The following SLIT2 variants were observed in gnomAD, a reference collection of about 807,000 sequenced individuals.
The protein encoded by SLIT2 is slit homolog 2 protein.
A neutral mutation model predicts 185.7 loss-of-function variants in SLIT2; 41 were observed. The observed-to-expected ratio is 0.22, with a 90% CI of 0.17 to 0.29. The LOEUF is 0.29. SLIT2 is among the 10% of genes least tolerant of loss of function. SLIT2 has a pLI of 1.00. For synonymous variants in SLIT2, 693 were observed against 680.2 expected (o/e 1.02, Z -0.29); for missense variants, 1,571 against 1,909.0 (o/e 0.82, Z 3.30).
intron 30 of SLIT2, among the ~76,000 whole-genome samples, chr4:20,590,340 G>C (rs984023282): frequency 1.3e-5 from 2 of 152,156 alleles, no homozygotes; most frequent in African/African-American, 2.4e-5. Flanking sequence ...AGGCCCAACC[G>C]GTGACATTTG....
chr4:20,256,316 T>TTTGG (rs1553864836), intron 1 of SLIT2, among the ~76,000 whole-genome samples: 6 of 149,430 alleles, frequency 4.0e-5, no homozygotes, highest in Non-Finnish European at 7.4e-5. Context: ...ACTTTTTTTT[T>TTTGG]GGGGGGGGTG....
intron 18 of SLIT2, among the ~76,000 whole-genome samples, chr4:20,538,013 G>A (rs186341851): frequency 6.6e-6 from 1 of 152,168 alleles, no homozygotes. Flanking sequence ...AGGCTGGAGT[G>A]CTGTGATGCT....
intron 4 of SLIT2, among the ~76,000 whole-genome samples, chr4:20,364,793 A>G (rs995587862): frequency 2.6e-5 from 4 of 152,150 alleles, no homozygotes; most frequent in African/African-American, 9.7e-5. Context: ...AATTAAAGGC[A>G]CTAGAAGGTC....
intron 5 of SLIT2, among the ~76,000 whole-genome samples, chr4:20,472,368 ATC>A (rs1473137575): frequency 3.4e-5 from 1 of 29,434 alleles, no homozygotes; most frequent in Non-Finnish European, 5.5e-5. Flanking sequence ...CTATATAGAT[ATC>A]TATATCTATA....
intron 29 of SLIT2, among the ~76,000 whole-genome samples, chr4:20,582,292 C>G (rs1464681779): frequency 1.3e-5 from 2 of 152,172 alleles, no homozygotes; most frequent in African/African-American, 2.4e-5. Context: ...GCCTCTGAGT[C>G]TCACCTCTTC....
rs921399409 is a variant in SLIT2 at position 20,547,415 on chromosome 4, A to G, written c.2346-1073A>G. ...GGTTTTACTAGTGACTCATGATACA[A>G]CTCTAGGCAAGTTACTTCTGCTAAT... On this transcript the variant is annotated intron_variant, in intron 22 of 36. Coordinates refer to ENST00000504154, the MANE Select transcript of SLIT2 (RefSeq NM_004787.4). Among the ~76,000 whole-genome samples, 9 of 151,952 alleles carry G rather than the reference A, an allele frequency of 5.9e-5. No homozygotes were observed. The Admixed American group carries it at 5.9e-4, about 10-fold the overall frequency.
intron 4 of SLIT2, among the ~76,000 whole-genome samples, chr4:20,464,458 A>G (rs1714119661): frequency 6.6e-6 from 1 of 152,100 alleles, no homozygotes; most frequent in Non-Finnish European, 1.5e-5. Context: ...CTTCCTCTGA[A>G]ACACACTGTT....
At chr4:20,442,961 C>T (rs886301365) in intron 4 of SLIT2, among the ~76,000 whole-genome samples, 1 of 151,954 alleles carries the variant, frequency 6.6e-6, no homozygotes, top group African/African-American at 2.4e-5. Context: ...TAGAAAAGGG[C>T]TTTTTTCCCC....
intron 8 of SLIT2, 22 bp downstream of exon 8, chr4:20,489,004 T>G: frequency 6.3e-7 from 1 of 1,588,190 alleles, no homozygotes; most frequent in Non-Finnish European, 8.6e-7. Context: ...GGAAGAGTGA[T>G]GTTATTGTGT....
chr4:20,528,202 G>A lies in SLIT2; in HGVS notation c.1463-747G>A. ...TCATGTAAACAGTATTACGTTTCCA[G>A]AACGTCTGTAGCTTTTCTCCTCCTT... On this transcript the variant is annotated intron_variant, in intron 15 of 36. Coordinates refer to ENST00000504154, the MANE Select transcript of SLIT2 (RefSeq NM_004787.4). The surrounding 1 kb of genome is among the most constrained non-coding windows in gnomAD (Gnocchi z 4.2). 2.8e-5 allele frequency: 15 copies of A among 527,588 alleles called. No homozygotes were observed. The highest frequency in any genetic ancestry group is 2.1e-4 in the South Asian group (15 of 70,578). 32.7% of individuals were successfully genotyped at this position (527,588 alleles called of 1,614,324 possible). A position where few individuals can be genotyped will look rare whatever the true frequency, so the allele number is the denominator to read the frequency against.
At chr4:20,472,327 TATATATAGATCTATATATAG>T (rs1560453194) in intron 5 of SLIT2, among the ~76,000 whole-genome samples, 5 of 80,690 alleles carry the variant, frequency 6.2e-5, no homozygotes, top group African/African-American at 2.1e-4. Context: ...TATATATATC[TATATATAGATCTATATATAG>T]ATATAGATAT....
rs530757798 is a variant in SLIT2 at position 20,515,069 on chromosome 4, A to G, written c.1058+3932A>G. On this transcript the variant is annotated intron_variant, in intron 11 of 36. Coordinates refer to ENST00000504154, the MANE Select transcript of SLIT2 (RefSeq NM_004787.4). Reference sequence around the variant, plus strand: ...AGTAACAAAACGTTTTAAGTGTAGTATCATTGTAGCATACTGCTAAGCATA... The same window carrying G: ...AGTAACAAAACGTTTTAAGTGTAGTGTCATTGTAGCATACTGCTAAGCATA... 3.9e-4 allele frequency among the ~76,000 whole-genome samples: 59 copies of G among 152,284 alleles called. 1 individual carries two copies. The South Asian group carries it at 1.0e-2, about 26-fold the overall frequency.
intron 4 of SLIT2, among the ~76,000 whole-genome samples, chr4:20,449,155 G>C (rs1262538523): frequency 6.6e-6 from 1 of 151,994 alleles, no homozygotes; most frequent in Non-Finnish European, 1.5e-5. Context: ...TTCAATTAAA[G>C]TGATTAATTT....
chr4:20,433,436 G>C (rs945897113), intron 4 of SLIT2, among the ~76,000 whole-genome samples: 1 of 152,136 alleles, frequency 6.6e-6, no homozygotes, highest in Non-Finnish European at 1.5e-5. Context: ...TCAGATTCCC[G>C]GAGTGTGGTG....
chr4:20,480,395 A>G (rs778071223), intron 5 of SLIT2, among the ~76,000 whole-genome samples: 5 of 152,200 alleles, frequency 3.3e-5, no homozygotes, highest in Non-Finnish European at 7.3e-5. Context: ...TGTTTCAGCA[A>G]GATGACGCTG....
intron 4 of SLIT2, among the ~76,000 whole-genome samples, chr4:20,407,350 A>G (rs1014000444): frequency 4.6e-5 from 7 of 152,216 alleles, no homozygotes; most frequent in Non-Finnish European, 8.8e-5. Flanking sequence ...TAGTAACTAT[A>G]CTAGAAACAG....
intron 4 of SLIT2, among the ~76,000 whole-genome samples, chr4:20,438,648 G>A (rs1368984530): frequency 1.3e-5 from 2 of 152,036 alleles, no homozygotes; most frequent in African/African-American, 2.4e-5. Context: ...CTTGATCTTG[G>A]CTCCCACAGT....
At chr4:20,397,462 G>C (rs1725986781) in intron 4 of SLIT2, among the ~76,000 whole-genome samples, 1 of 151,754 alleles carries the variant, frequency 6.6e-6, no homozygotes, top group African/African-American at 2.4e-5. Context: ...CTACTAGTTT[G>C]TTCTGCATAA....
intron 4 of SLIT2, among the ~76,000 whole-genome samples, chr4:20,396,377 C>T (rs1255681672): frequency 1.3e-5 from 2 of 151,654 alleles, no homozygotes; most frequent in African/African-American, 2.4e-5. Context: ...TATTTTTCTC[C>T]ACTACCACAA....
Sources: allele counts gnomAD v4.1 joint callset (sites outside exome capture counted in the v4.1 genomes callset), GRCh38; gene constraint gnomAD v4.1.1; non-coding constraint Gnocchi (gnomAD v3.1); transcripts MANE v1.5; gene names NCBI Gene and HGNC (gene_info 2026-07-23, HGNC 2026-07-21).